PADI3: variants seen among roughly 807,000 people sequenced by gnomAD.
The protein encoded by PADI3 is peptidyl arginine deiminase 3.
In PADI3, 53 loss-of-function variants were observed where a neutral mutation model predicts 71.5. The ratio of observed to expected loss-of-function variants is 0.74; its 90% CI spans 0.59 to 0.93. PADI3 has a LOEUF of 0.93. Among genes scored for constraint, PADI3 ranks in the 40% least tolerant of loss-of-function variants. The pLI is 0.00. For missense variants in PADI3, 821 were observed against 868.0 expected (o/e 0.95, Z 0.68); for synonymous variants, 361 against 347.5 (o/e 1.04, Z -0.43).
In PADI3 at chr1:17,282,967, G is replaced by A; in HGVS notation, c.1883G>A (p.Cys628Tyr). ...CTGCTGGAGCCGCTGGGCCTCCACT[G>A]CACCTTCATTGATGACTTCACTCCA... ...RSLLEPLGLH[C>Y]TFIDDFTPYH... Residue 628 changes from cysteine to tyrosine, a missense_variant, in exon 16 of 16, where the codon TGC becomes TAC. Coordinates refer to ENST00000375460, the MANE Select transcript of PADI3 (RefSeq NM_016233.2). The A allele has an allele frequency of 6.2e-7, 1 of 1,614,166 alleles. No individual in the cohort carries two copies. Among genetic ancestry groups the A allele is most frequent in the Non-Finnish European group, 8.5e-7 (1 of 1,179,988 alleles).
intron 6 of PADI3, 138 bp downstream of exon 6, chr1:17,268,100 G>A: frequency 1.1e-6 from 1 of 935,840 alleles, no homozygotes; most frequent in Non-Finnish European, 1.6e-6. Context: ...GCGGGTCGCA[G>A]TAAGAACAGT....
Position 17,283,172 on chromosome 1 carries a change from G to A in PADI3, c.*93G>A. Reference sequence around the variant, plus strand: ...GGCCCCTGAACGATAAGCACCAAGAGACCCCAAGGCTCCAGATGGAACACT... The same window carrying A: ...GGCCCCTGAACGATAAGCACCAAGAAACCCCAAGGCTCCAGATGGAACACT... On this transcript the variant is annotated 3_prime_UTR_variant, in exon 16 of 16. Transcript: ENST00000375460. The A allele has an allele frequency of 1.0e-6, 1 of 958,684 alleles. No homozygotes were observed. Among genetic ancestry groups the A allele is most frequent in the Non-Finnish European group, 1.6e-6 (1 of 619,882 alleles). 59.4% of individuals were successfully genotyped at this position (958,684 alleles called of 1,614,324 possible). A position where few individuals can be genotyped will look rare whatever the true frequency, so the allele number is the denominator to read the frequency against.
intron 1 of PADI3, among the ~76,000 whole-genome samples, chr1:17,259,359 A>G (rs1487013006): frequency 6.6e-6 from 1 of 152,120 alleles, no homozygotes; most frequent in Non-Finnish European, 1.5e-5. Context: ...TCGGCTTCCC[A>G]AAGTGCTGGG....
rs987746797 is a variant in PADI3 at position 17,276,870 on chromosome 1, G to T, written c.1549G>T (p.Val517Phe). 4 of 1,610,696 alleles carry T rather than the reference G, an allele frequency of 2.5e-6. No homozygotes were observed. Among genetic ancestry groups the T allele is most frequent in the African/African-American group, 1.3e-5 (1 of 74,844 alleles). The change falls in exon 13 of 16, where the codon GTT (valine) becomes TTT (phenylalanine). Residue 517 changes from valine (V) to phenylalanine (F), a missense_variant. By Grantham distance (50) the Val-to-Phe change is conservative. Transcript: ENST00000375460. ...CGGGAGGGCCCTCCTGTTCCAGGGG[G>T]TTGTTGGTGGGTAACAGTGCCGTGT... ...GHGRALLFQG[V>F]VDDEQVKTIS...
At chr1:17,251,018 T>C (rs1377248332) in intron 1 of PADI3, among the ~76,000 whole-genome samples, 1 of 152,238 alleles carries the variant, frequency 6.6e-6, no homozygotes, top group Non-Finnish European at 1.5e-5. Flanking sequence ...TGAGGGATTC[T>C]TGGGCCCTGG....
At chr1:17,252,219 G>A (rs1340583815) in intron 1 of PADI3, among the ~76,000 whole-genome samples, 1 of 152,050 alleles carries the variant, frequency 6.6e-6, no homozygotes. Flanking sequence ...CAGGCTCAGC[G>A]GGATGGTGGT....
At position 17,267,877 on chromosome 1, in the gene PADI3, C is replaced by T; in HGVS notation, c.567C>T (p.Gly189=). The T allele has an allele frequency of 6.2e-7, 1 of 1,614,150 alleles. No homozygotes were observed. The highest frequency in any genetic ancestry group is 8.5e-7 in the Non-Finnish European group (1 of 1,180,010). Residue 189 remains glycine (G), a synonymous_variant, in exon 6 of 16, where the codon GGC becomes GGT. Coordinates refer to ENST00000375460, the MANE Select transcript of PADI3 (RefSeq NM_016233.2). The part of the protein sequence containing the change: ...DMSVMVLRTQ[G]PAALFDDHKL... ...CTGTCATGGTCCTGCGGACGCAGGG[C>T]CCTGCAGCCCTCTTTGATGACCACA...
intron 1 of PADI3, among the ~76,000 whole-genome samples, chr1:17,250,562 C>G (rs966271763): frequency 7.9e-5 from 12 of 152,224 alleles, no homozygotes; most frequent in African/African-American, 2.6e-4. Flanking sequence ...GGGAGGGAAC[C>G]AAGTCGGGAG....
chr1:17,256,039 T>C (rs2073023098), intron 1 of PADI3, among the ~76,000 whole-genome samples: 1 of 152,154 alleles, frequency 6.6e-6, no homozygotes, highest in Non-Finnish European at 1.5e-5. Flanking sequence ...AGCCTGAGTC[T>C]AAACTAGACC....
chr1:17,273,471 A>C (rs1399180813), intron 10 of PADI3, 24 bp downstream of exon 10: 3 of 1,535,500 alleles, frequency 2.0e-6, no homozygotes, highest in African/African-American at 2.7e-5. Context: ...GCCGCAGCCC[A>C]CCCCTGAGAG....
At chr1:17,270,499 A>G in intron 7 of PADI3, 88 bp downstream of exon 7, 4 of 1,182,462 alleles carry the variant, frequency 3.4e-6, no homozygotes, top group Non-Finnish European at 4.7e-6. Context: ...AAAAAAAAAA[A>G]TAGCGAGGTA....
At chr1:17,268,262 C>G (rs2073198621) in intron 6 of PADI3, among the ~76,000 whole-genome samples, 1 of 152,200 alleles carries the variant, frequency 6.6e-6, no homozygotes, top group Non-Finnish European at 1.5e-5. Flanking sequence ...AAAAGCAGTG[C>G]TGTGAATCCC....
intron 10 of PADI3, 44 bp downstream of exon 10, chr1:17,273,491 C>G (rs1238692971): frequency 1.5e-6 from 2 of 1,367,510 alleles, no homozygotes; most frequent in Admixed American, 1.8e-5. Context: ...GCTGAGAGGC[C>G]TTACCCCAGG....
intron 4 of PADI3, 74 bp from the exon 5 acceptor site, chr1:17,266,645 G>A: frequency 1.6e-6 from 2 of 1,286,350 alleles, no homozygotes; most frequent in South Asian, 1.2e-5. Flanking sequence ...TTACAGGCCA[G>A]GCTCGGGTTC....
At position 17,280,880 on chromosome 1, in the gene PADI3, A is replaced by T. The variant is rs554633177; in HGVS notation, c.1761+84A>T. The T allele has an allele frequency of 9.8e-6, 15 of 1,525,212 alleles. No homozygotes were observed. In the South Asian group the frequency reaches 1.5e-4, roughly 16 times the overall value. 94.5% of individuals were successfully genotyped at this position (1,525,212 alleles called of 1,614,324 possible). Reference sequence around the variant, plus strand: ...AGAGGAAAAATGTCTGGTCACAGTCATATTTAGGATTGTGGTGGCCAGTGG... The same window carrying T: ...AGAGGAAAAATGTCTGGTCACAGTCTTATTTAGGATTGTGGTGGCCAGTGG... On this transcript the variant is annotated intron_variant, in intron 15 of 15. Coordinates refer to ENST00000375460, the MANE Select transcript of PADI3 (RefSeq NM_016233.2).
chr1:17,277,888 C>G lies in PADI3; in HGVS notation c.1555+1012C>G, dbSNP rs111468256. 8.0e-3 allele frequency: 1,244 copies of G among 154,606 alleles called. 22 individuals carry two copies. Among genetic ancestry groups the G allele is most frequent in the African/African-American group, 0.028 (1,183 of 41,676 alleles). 9.6% of individuals were successfully genotyped at this position (154,606 alleles called of 1,614,324 possible). On this transcript the variant is annotated intron_variant, in intron 13 of 15. Coordinates refer to ENST00000375460, the MANE Select transcript of PADI3 (RefSeq NM_016233.2). ...CCAGAGGCCACAATACTCTGGAGGT[C>G]GCCCATTTGCCTTGGCTTGGGGTGG...
Position 17,259,671 on chromosome 1 carries a change from T to A in PADI3, c.186T>A (p.Arg62=), listed in dbSNP as rs2073077715. Residue 62 remains arginine (R), a synonymous_variant, in exon 2 of 16, where the codon CGT becomes CGA. Coordinates refer to ENST00000375460, the MANE Select transcript of PADI3 (RefSeq NM_016233.2). ...ISPNMERGRE[R]ADTRRWRFDA... ...CCAACATGGAGAGGGGCCGGGAGCG[T>A]GCAGACACCAGGCGGTGGCGCTTTG... 6.2e-7 allele frequency: 1 copy of A among 1,613,910 alleles called. No individual in the cohort carries two copies. Among genetic ancestry groups the A allele is most frequent in the Admixed American group, 1.7e-5 (1 of 59,998 alleles).
At chr1:17,272,122 G>A (rs772092283) in intron 9 of PADI3, among the ~76,000 whole-genome samples, 3 of 152,166 alleles carry the variant, frequency 2.0e-5, no homozygotes, top group Non-Finnish European at 4.4e-5. Flanking sequence ...GGAGCTCTTA[G>A]GGGAGCATGA....
At chr1:17,273,245 G>A in intron 9 of PADI3, 95 bp from the exon 10 acceptor site, 2 of 890,802 alleles carry the variant, frequency 2.2e-6, no homozygotes, top group Admixed American at 2.4e-5. Flanking sequence ...CAGGGGACTT[G>A]GTGAGCAGTC....
Sources: allele counts gnomAD v4.1 joint callset (sites outside exome capture counted in the v4.1 genomes callset), GRCh38; gene constraint gnomAD v4.1.1; transcripts MANE v1.5; gene names NCBI Gene and HGNC (gene_info 2026-07-23, HGNC 2026-07-21).